GNG7: variants seen among roughly 807,000 people sequenced by gnomAD.
The protein encoded by GNG7 is guanine nucleotide-binding protein G(I)/G(S)/G(O) subunit gamma-7.
GNG7 carries 1 observed loss-of-function variant against 4.0 expected under a neutral mutation model. The ratio of observed to expected loss-of-function variants is 0.25; its 90% CI spans 0.09 to 1.18. The LOEUF is 1.18. Ranked by LOEUF, GNG7 falls within the 50% of genes most tolerant of loss-of-function variation. The pLI, the probability that GNG7 is intolerant of heterozygous loss-of-function variation, is 0.50. For missense variants in GNG7, 86 were observed against 91.9 expected (o/e 0.94, Z 0.26); for synonymous variants, 34 against 36.9 (o/e 0.92, Z 0.29).
rs1276259528 is a variant in GNG7, at chr19:2,513,276, G to A, written c.*1746C>T. 4 of 375,672 alleles carry A rather than the reference G, an allele frequency of 1.1e-5. No homozygotes were observed. The highest frequency in any genetic ancestry group is 1.3e-3 in the Middle Eastern group (1 of 748). The allele number at this position is 375,672 out of a possible 1,614,324, so 23.3% of individuals were successfully genotyped here. A position where few individuals can be genotyped will look rare whatever the true frequency, so the allele number is the denominator to read the frequency against. ...CCGTCCAGGAACCCTCTCGGCACGG[G>A]TTCTTAGACGCCTGTCTCCACTGGG... On this transcript the variant is annotated 3_prime_UTR_variant, in exon 5 of 5. Transcript: ENST00000382159.
intron 1 of GNG7, among the ~76,000 whole-genome samples, chr19:2,700,503 GA>G (rs1446893468): frequency 6.6e-6 from 1 of 152,060 alleles, no homozygotes; most frequent in Non-Finnish European, 1.5e-5. Flanking sequence ...AAGGTTGCAG[GA>G]CTAGAGTCAA....
rs540822645 is a variant in GNG7, at chr19:2,525,497, C to A, written c.-37-4772G>T. On this transcript the variant is annotated intron_variant, in intron 3 of 4. Coordinates refer to ENST00000382159, the MANE Select transcript of GNG7 (RefSeq NM_052847.3). ...CAAGAAGGATGAGGGTACCCCCCCA[C>A]TCCAGGACATAGTGGAAATCTGTGG... Among the ~76,000 whole-genome samples, 1,496 of 150,364 alleles carry A rather than the reference C, an allele frequency of 9.9e-3. 22 individuals are homozygous for A. Among genetic ancestry groups the A allele is most frequent in the African/African-American group, 0.034 (1,399 of 40,852 alleles).
At chr19:2,608,609 C>G (rs1981466938) in intron 2 of GNG7, among the ~76,000 whole-genome samples, 1 of 152,238 alleles carries the variant, frequency 6.6e-6, no homozygotes, top group African/African-American at 2.4e-5. Context: ...CTGGCTGCCA[C>G]CGGACACCCC....
At chr19:2,585,113 A>C (rs1264084419) in intron 2 of GNG7, among the ~76,000 whole-genome samples, 2 of 66,006 alleles carry the variant, frequency 3.0e-5, no homozygotes, top group Admixed American at 3.3e-4. Flanking sequence ...GGAAGGAAGG[A>C]AAGAAGGTAG....
chr19:2,659,102 T>C (rs1983070980), intron 1 of GNG7, among the ~76,000 whole-genome samples: 1 of 151,824 alleles, frequency 6.6e-6, no homozygotes, highest in Non-Finnish European at 1.5e-5. Flanking sequence ...CCCGAGTAGC[T>C]GGGACTACAG....
intron 1 of GNG7, among the ~76,000 whole-genome samples, chr19:2,696,356 AAAAGAAAG>A (rs1310428837): frequency 6.8e-6 from 1 of 146,716 alleles, no homozygotes; most frequent in Admixed American, 6.7e-5. Flanking sequence ...GAAAAGAAAG[AAAAGAAAG>A]AAAGAAAGGA....
intron 2 of GNG7, among the ~76,000 whole-genome samples, chr19:2,573,142 C>T (rs1456301033): frequency 6.6e-6 from 1 of 151,424 alleles, no homozygotes; most frequent in Non-Finnish European, 1.5e-5. Flanking sequence ...TCTCCTGCCT[C>T]AGCCTCCTGA....
intron 2 of GNG7, among the ~76,000 whole-genome samples, chr19:2,572,156 G>A (rs1980168045): frequency 6.6e-6 from 1 of 151,782 alleles, no homozygotes; most frequent in Non-Finnish European, 1.5e-5. Flanking sequence ...CGAGTGGCTG[G>A]GACCACAGGG....
At chr19:2,576,030 CACAG>C (rs1457878605) in intron 2 of GNG7, among the ~76,000 whole-genome samples, 6 of 77,294 alleles carry the variant, frequency 7.8e-5, no homozygotes, top group African/African-American at 4.1e-4. Context: ...CAGACACACA[CACAG>C]ACACACACAG....
rs1913437055 is a variant in GNG7, at chr19:2,702,655, G to A, written c.-144C>T. ...TCGCGGGCGCCCTTACCTGCGCTCG[G>A]GCCCCGCGGCCGCCTCAGCCCCGCC... On this transcript the variant is annotated 5_prime_UTR_variant, in exon 1 of 5. Transcript: ENST00000382159. 1 of 151,320 alleles carries A rather than the reference G, an allele frequency of 6.6e-6. No individual in the cohort carries two copies. Among genetic ancestry groups the A allele is most frequent in the African/African-American group, 2.4e-5 (1 of 41,320 alleles). The allele number at this position is 151,320 out of a possible 1,614,324, so 9.4% of individuals were successfully genotyped here.
At position 2,633,093 on chromosome 19, in the gene GNG7, C is replaced by T. The variant is rs147992452; in HGVS notation, c.-78+13131G>A. On this transcript the variant is annotated intron_variant, in intron 2 of 4. Coordinates refer to ENST00000382159, the MANE Select transcript of GNG7 (RefSeq NM_052847.3). The surrounding 1 kb of genome is among the most constrained non-coding windows in gnomAD (Gnocchi z 5.9). ...CCCCAGGCGGCACCGGGAGTGTCTGCGCAGAGATCCGAGGGTGTTAGCCTG... is the reference window on the plus strand; with the variant it reads ...CCCCAGGCGGCACCGGGAGTGTCTGTGCAGAGATCCGAGGGTGTTAGCCTG... 0.021 allele frequency among the ~76,000 whole-genome samples: 3,216 copies of T among 152,314 alleles called. 50 individuals carry two copies. The highest frequency in any genetic ancestry group is 0.085 in the Middle Eastern group (25 of 294).
At chr19:2,638,021 C>G (rs1031355770) in intron 2 of GNG7, among the ~76,000 whole-genome samples, 1 of 152,066 alleles carries the variant, frequency 6.6e-6, no homozygotes, top group East Asian at 1.9e-4. Flanking sequence ...TCTGCCCCAT[C>G]GGGAGTTTAT....
At chr19:2,646,937 C>A (rs1430361109) in intron 1 of GNG7, among the ~76,000 whole-genome samples, 1 of 152,156 alleles carries the variant, frequency 6.6e-6, no homozygotes, top group African/African-American at 2.4e-5. Context: ...AGGCACCCAA[C>A]GTATCCAGGT....
intron 1 of GNG7, chr19:2,700,893 A>T (rs889855789): frequency 6.6e-6 from 1 of 152,062 alleles, no homozygotes; most frequent in Non-Finnish European, 1.5e-5. Context: ...CCTCGCTGAC[A>T]CCTAGCAACC....
chr19:2,586,492 G>A (rs1980676672), intron 2 of GNG7, among the ~76,000 whole-genome samples: 1 of 152,188 alleles, frequency 6.6e-6, no homozygotes, highest in African/African-American at 2.4e-5. Flanking sequence ...GGTGACCTCG[G>A]TCCCCCAAGA....
At chr19:2,555,641 G>A (rs1057162815) in intron 2 of GNG7, among the ~76,000 whole-genome samples, 3 of 152,194 alleles carry the variant, frequency 2.0e-5, no homozygotes, top group Non-Finnish European at 1.5e-5. Context: ...AGTGGAAACT[G>A]GGGACAAACC....
rs1982022017 is a variant in GNG7 at position 2,626,362 on chromosome 19, A to G, written c.-78+19862T>C. Among the ~76,000 whole-genome samples, 1 of 152,050 alleles carries G rather than the reference A, an allele frequency of 6.6e-6. No homozygotes were observed. The highest frequency in any genetic ancestry group is 1.5e-5 in the Non-Finnish European group (1 of 67,990). ...ACCCCCTCTGTGCCTCAGTTTCCTA[A>G]TCTGTCACACAGGGAGGCTGGACCC... On this transcript the variant is annotated intron_variant, in intron 2 of 4. Coordinates refer to ENST00000382159, the MANE Select transcript of GNG7 (RefSeq NM_052847.3). The surrounding 1 kb of genome is among the most constrained non-coding windows in gnomAD (Gnocchi z 5.0).
chr19:2,527,906 T>A (rs1178139331), intron 3 of GNG7, among the ~76,000 whole-genome samples: 1 of 152,008 alleles, frequency 6.6e-6, no homozygotes, highest in African/African-American at 2.4e-5. Context: ...CAGCTCAGAG[T>A]GGTTCCCTTA....
intron 3 of GNG7, among the ~76,000 whole-genome samples, chr19:2,526,279 A>G (rs1978393023): frequency 6.7e-6 from 1 of 148,748 alleles, no homozygotes; most frequent in Admixed American, 6.7e-5. Flanking sequence ...CAATTTTTGT[A>G]TTTTTAATAG....
Sources: allele counts gnomAD v4.1 joint callset (sites outside exome capture counted in the v4.1 genomes callset), GRCh38; gene constraint gnomAD v4.1.1; non-coding constraint Gnocchi (gnomAD v3.1); transcripts MANE v1.5; gene names NCBI Gene and HGNC (gene_info 2026-07-23, HGNC 2026-07-21).